The following MGAM variants were observed in gnomAD, a reference collection of about 807,000 sequenced individuals.
The protein encoded by MGAM is alpha-1,4-glucosidase.
MGAM carries 253 observed loss-of-function variants against 358.8 expected under a neutral mutation model. That is an observed-to-expected ratio of 0.71 (90% CI 0.64 to 0.78). The LOEUF (loss-of-function observed/expected upper bound fraction) is 0.78. Ranked by LOEUF, MGAM falls within the 30% of genes least tolerant of loss-of-function variation. The probability of loss-of-function intolerance (pLI) is 0.00; values close to 1 mark genes in which losing one functional copy is unlikely to be tolerated. For missense variants in MGAM, 3,080 were observed against 3,432.6 expected, an observed-to-expected ratio of 0.90 and a Z score of 2.57; for synonymous variants, 1,105 against 1,227.1, an observed-to-expected ratio of 0.90 and a Z score of 2.08.
chr7:142,075,733 G>A (rs1813680498), intron 45 of MGAM, among the ~76,000 whole-genome samples: 1 of 145,920 alleles, frequency 6.9e-6, no homozygotes, highest in African/African-American at 2.4e-5. Flanking sequence ...AAATCACAGC[G>A]AGATGTCACC....
chr7:141,999,568 T>C (rs1297317794), intron 1 of MGAM, among the ~76,000 whole-genome samples: 2 of 152,178 alleles, frequency 1.3e-5, no homozygotes, highest in Non-Finnish European at 2.9e-5. Context: ...TAACTTGCAG[T>C]CGTTATAAAA....
At chr7:142,079,079 C>A in intron 49 of MGAM, 71 bp downstream of exon 49, 1 of 1,285,712 alleles carries the variant, frequency 7.8e-7, no homozygotes, top group Non-Finnish European at 1.1e-6. Flanking sequence ...TGGTTCAGGT[C>A]ACACAACCCT....
intron 57 of MGAM, among the ~76,000 whole-genome samples, chr7:142,091,495 A>G (rs1174851366): frequency 6.9e-6 from 1 of 145,746 alleles, no homozygotes; most frequent in Non-Finnish European, 1.5e-5. Flanking sequence ...CGCAGTGGGA[A>G]TGACATAGGA....
intron 18 of MGAM, among the ~76,000 whole-genome samples, chr7:142,037,873 G>A (rs185013861): frequency 1.1e-4 from 16 of 152,032 alleles, no homozygotes; most frequent in Non-Finnish European, 2.1e-4. Flanking sequence ...CCATCCCCTC[G>A]AGCATTTATC....
Position 142,075,607 on chromosome 7 carries a change from A to G in MGAM, c.5276-596A>G, listed in dbSNP as rs1163885348. Among the ~76,000 whole-genome samples, 3 of 146,622 alleles carry G rather than the reference A, an allele frequency of 2.0e-5. 1 individual carries two copies. The highest frequency in any genetic ancestry group is 1.4e-4 in the Admixed American group (2 of 14,606). ...CAGTAGCAAAAGATCAAATGACCCA[A>G]TTAAAAAGTGGGTGAAGGACCTGAA... On this transcript the variant is annotated intron_variant, in intron 45 of 70. Transcript: ENST00000475668.
At chr7:142,075,979 T>C (rs1459037373) in intron 45 of MGAM, among the ~76,000 whole-genome samples, 1 of 146,168 alleles carries the variant, frequency 6.8e-6, no homozygotes, top group African/African-American at 2.4e-5. Flanking sequence ...AGAGATATAC[T>C]CACTCCTCCC....
At chr7:142,085,259 T>A (rs2129054861) in intron 54 of MGAM, among the ~76,000 whole-genome samples, 1 of 146,846 alleles carries the variant, frequency 6.8e-6, no homozygotes, top group African/African-American at 2.4e-5. Flanking sequence ...ACATTTCTCT[T>A]GTTTTACAGT....
At chr7:142,098,773 A>T (rs550849539) in intron 66 of MGAM, among the ~76,000 whole-genome samples, 1 of 152,342 alleles carries the variant, frequency 6.6e-6, no homozygotes, top group East Asian at 1.9e-4. Flanking sequence ...CACTAACAGA[A>T]GATGTCTTTG....
chr7:142,086,349 C>T, intron 56 of MGAM, 21 bp downstream of exon 56: 1 of 1,464,684 alleles, frequency 6.8e-7, no homozygotes, highest in South Asian at 1.2e-5. Flanking sequence ...AAGCGATGAT[C>T]CAGTAGTCCC....
rs542156137 is a variant in MGAM at position 142,000,028 on chromosome 7, T to A, written c.-3+4098T>A. Reference sequence around the variant, plus strand: ...AAGGACTATTAATAAACAGCAAACATGTTTTTAAAAATATGCTAATGATAT... The same window carrying A: ...AAGGACTATTAATAAACAGCAAACAAGTTTTTAAAAATATGCTAATGATAT... On this transcript the variant is annotated intron_variant, in intron 1 of 70. Transcript: ENST00000475668. 2.6e-5 allele frequency among the ~76,000 whole-genome samples: 4 copies of A among 152,314 alleles called. 1 individual carries two copies. The South Asian group carries it at 6.2e-4, about 24-fold the overall frequency.
chr7:142,083,996 C>T (rs1468884533), intron 53 of MGAM, among the ~76,000 whole-genome samples: 1 of 145,348 alleles, frequency 6.9e-6, no homozygotes, highest in Admixed American at 7.0e-5. Flanking sequence ...TGGTGGTGAC[C>T]ATGGTTGTTG....
At position 142,030,688 on chromosome 7, in the gene MGAM, A is replaced by C. The variant is rs578002845; in HGVS notation, c.1401A>C (p.Pro467=). 6.2e-7 allele frequency: 1 copy of C among 1,613,400 alleles called. No homozygotes were observed. The highest frequency in any genetic ancestry group is 2.2e-5 in the East Asian group (1 of 44,860). ...CTTCCTCAAGTAAACCCTATGGCCC[A>C]TATGACAGGGGTTCAGATATGAAGA... The part of the protein sequence containing the change: ...NNSSSSKPYG[P]YDRGSDMKIW... Residue 467 remains proline (P), a synonymous_variant, in exon 12 of 71, where the codon CCA becomes CCC. Transcript: ENST00000475668.
rs368230288 is a variant in MGAM at position 142,067,433 on chromosome 7, T to C, written c.5004+8T>C. On this transcript the variant is annotated splice_region_variant and intron_variant, in intron 42 of 70. Transcript: ENST00000475668. ...AGCCCTGTCCTGGAGCGCGTGAGTATGGAGGCCTCCGATGAGGGGAGGATC... is the reference window on the plus strand; with the variant it reads ...AGCCCTGTCCTGGAGCGCGTGAGTACGGAGGCCTCCGATGAGGGGAGGATC... 1.9e-4 allele frequency: 287 copies of C among 1,549,442 alleles called. 43 individuals are homozygous for C. The highest frequency in any genetic ancestry group is 2.5e-4 in the Non-Finnish European group (282 of 1,127,740).
Position 142,047,885 on chromosome 7 carries a change from T to C in MGAM, c.2587+12T>C, listed in dbSNP as rs370126144. ...TGGGGAAACGAAGGGTGAGCACTTATACGATAATGTTGCTGTTTCCCAACC... is the reference window on the plus strand; with the variant it reads ...TGGGGAAACGAAGGGTGAGCACTTACACGATAATGTTGCTGTTTCCCAACC... On this transcript the variant is annotated intron_variant, in intron 22 of 70. Transcript: ENST00000475668. 4.2e-5 allele frequency: 67 copies of C among 1,580,732 alleles called. No individual in the cohort carries two copies. In the African/African-American group the frequency reaches 6.9e-4, roughly 16 times the overall value.
At chr7:142,054,635 T>C in intron 26 of MGAM, 119 bp from the exon 27 acceptor site, 2 of 1,118,824 alleles carry the variant, frequency 1.8e-6, no homozygotes, top group Non-Finnish European at 2.5e-6. Context: ...ATCTCAGATA[T>C]CATAAAGAAG....
intron 57 of MGAM, among the ~76,000 whole-genome samples, chr7:142,091,125 T>A (rs543986196): frequency 6.9e-6 from 1 of 144,102 alleles, no homozygotes; most frequent in African/African-American, 2.5e-5. Context: ...TGTGTGCCTG[T>A]AATCCCAGCT....
intron 31 of MGAM, 123 bp downstream of exon 31, chr7:142,058,451 C>T (rs1811771132): frequency 2.7e-6 from 4 of 1,497,160 alleles, no homozygotes; most frequent in African/African-American, 1.4e-5. Flanking sequence ...GACAATATCA[C>T]AGTTAGCCTC....
intron 54 of MGAM, among the ~76,000 whole-genome samples, 188 bp from the exon 55 acceptor site, chr7:142,085,645 T>A (rs1814676917): frequency 6.8e-6 from 1 of 145,986 alleles, no homozygotes; most frequent in Non-Finnish European, 1.6e-5. Context: ...TTTTTCTATC[T>A]TATCACTGAA....
intron 21 of MGAM, among the ~76,000 whole-genome samples, chr7:142,041,134 C>T (rs988454663): frequency 6.6e-6 from 1 of 152,138 alleles, no homozygotes; most frequent in Non-Finnish European, 1.5e-5. Context: ...CCTAGAATTT[C>T]AACTTCCTAT....
Sources: allele counts gnomAD v4.1 joint callset (sites outside exome capture counted in the v4.1 genomes callset), GRCh38; gene constraint gnomAD v4.1.1; transcripts MANE v1.5; gene names NCBI Gene and HGNC (gene_info 2026-07-23, HGNC 2026-07-21).